AHNAK: variants seen among roughly 807,000 people sequenced by gnomAD.
The protein encoded by AHNAK is neuroblast differentiation-associated protein AHNAK.
AHNAK carries 23 observed loss-of-function variants against 37.8 expected under a neutral mutation model. The ratio of observed to expected loss-of-function variants is 0.61; its 90% confidence interval spans 0.44 to 0.86. The LOEUF (loss-of-function observed/expected upper bound fraction) is 0.86, where lower values mean the gene tolerates loss of function less well. AHNAK is among the 40% of genes least tolerant of loss of function. The pLI, the probability that AHNAK is intolerant of heterozygous loss-of-function variation, is 0.00. For synonymous variants in AHNAK, 2,481 were observed against 2,636.3 expected, an observed-to-expected ratio of 0.94 and a Z score of 1.80; for missense variants, 7,411 against 7,319.4, an observed-to-expected ratio of 1.01 and a Z score of -0.46.
chr11:62,532,002 C>A lies in AHNAK; in HGVS notation c.2415G>T (p.Lys805Asn). Residue 805 changes from lysine to asparagine, a missense_variant, in exon 5 of 5, where the codon AAG becomes AAT. Coordinates refer to ENST00000378024, the MANE Select transcript of AHNAK (RefSeq NM_001620.3). Reference sequence around the variant, plus strand: ...TGATGTTCATCTCAGGCATCTTAAACTTGGGCCCTTTCAATTTCCCTTCTG... The same window carrying A: ...TGATGTTCATCTCAGGCATCTTAAAATTGGGCCCTTTCAATTTCCCTTCTG... ...EEPEGKLKGP[K>N]FKMPEMNIKV... is the part of the protein sequence containing the mutation. The A allele has an allele frequency of 1.2e-6, 2 of 1,613,248 alleles. No homozygotes were observed. The highest frequency in any genetic ancestry group is 1.7e-6 in the Non-Finnish European group (2 of 1,179,862).
chr11:62,497,069 G>C (rs1477919373), intron 4 of AHNAK, among the ~76,000 whole-genome samples: 1 of 152,110 alleles, frequency 6.6e-6, no homozygotes, highest in African/African-American at 2.4e-5. Context: ...TGAGTGATGC[G>C]TGGGCCTTGA....
intron 5 of AHNAK, among the ~76,000 whole-genome samples, chr11:62,460,023 C>A (rs1938749834): frequency 6.6e-6 from 1 of 151,672 alleles, no homozygotes; most frequent in South Asian, 2.1e-4. Context: ...GAGGCTGAGG[C>A]AGGAGAATCG....
In AHNAK at chr11:62,531,215, A is replaced by T. The variant is rs1299549118; in HGVS notation, c.3202T>A (p.Ser1068Thr). ...AGATCCAGGTCAACATCTGGCAAAG[A>T]CATCTTAGGAGCTCTGAAGTGCATC... ...PEMHFRAPKM[S>T]LPDVDLDLKG... Residue 1068 changes from serine (S) to threonine (T), a missense_variant, in exon 5 of 5, where the codon TCT (serine) becomes ACT (threonine). Coordinates refer to ENST00000378024, the MANE Select transcript of AHNAK (RefSeq NM_001620.3). The T allele has an allele frequency of 4.3e-6, 7 of 1,614,070 alleles. No homozygotes were observed. In the South Asian group the frequency reaches 6.6e-5, roughly 15 times the overall value.
At position 62,521,728 on chromosome 11, in the gene AHNAK, T is replaced by G. The variant is rs756506074; in HGVS notation, c.12689A>C (p.Asp4230Ala). ...CGCATCTGGACCTTCGATATTCACA[T>G]CAGGAACATCAATGTCCACCTTGGG... The part of the protein sequence containing the change: ...SGPKVDIDVP[D>A]VNIEGPDAKL... Residue 4230 changes from aspartate to alanine, a missense_variant, in exon 5 of 5, where the codon GAT becomes GCT. Asp to Ala is a moderately radical substitution (Grantham distance 126, BLOSUM62 -2). Coordinates refer to ENST00000378024, the MANE Select transcript of AHNAK (RefSeq NM_001620.3). The G allele has an allele frequency of 1.1e-5, 18 of 1,613,898 alleles. No homozygotes were observed. The highest frequency in any genetic ancestry group is 1.4e-5 in the Non-Finnish European group (17 of 1,179,998).
intron 4 of AHNAK, among the ~76,000 whole-genome samples, chr11:62,502,639 A>G (rs1008674976): frequency 5.9e-5 from 9 of 152,182 alleles, no homozygotes; most frequent in African/African-American, 2.2e-4. Flanking sequence ...ATTGGCCACT[A>G]ATATTTTAAT....
Position 62,530,390 on chromosome 11 carries a change from C to T in AHNAK, c.4027G>A (p.Val1343Met). The T allele has an allele frequency of 6.2e-7, 1 of 1,614,154 alleles. No individual in the cohort carries two copies. Among genetic ancestry groups the T allele is most frequent in the Non-Finnish European group, 8.5e-7 (1 of 1,180,042 alleles). ...KGPKLKGDVD[V>M]SLPEVEGEMK... ...TCACCTTCTACCTCAGGCAAGGACA[C>T]ATCCACATCTCCCTTCAATTTTGGC... The change falls in exon 5 of 5, where the codon GTG (valine) becomes ATG (methionine). Residue 1343 changes from valine (V) to methionine (M), a missense_variant. Physicochemically the swap from Val to Met is conservative, Grantham distance 21. Transcript: ENST00000378024.
chr11:62,527,840 A>G lies in AHNAK; in HGVS notation c.6577T>C (p.Leu2193=), dbSNP rs560936841. Residue 2193 remains leucine (L), a synonymous_variant, in exon 5 of 5, where the codon TTG becomes CTG. Coordinates refer to ENST00000378024, the MANE Select transcript of AHNAK (RefSeq NM_001620.3). The part of the protein sequence containing the change: ...KISMPDVNLN[L]KGPKVKGDMD... ...TCCCCTTTGACTTTGGGGCCTTTCAAGTTTAAGTTCACATCAGGCATGGAG... is the reference window on the plus strand; with the variant it reads ...TCCCCTTTGACTTTGGGGCCTTTCAGGTTTAAGTTCACATCAGGCATGGAG... The G allele has an allele frequency of 2.6e-4, 425 of 1,612,386 alleles. No individual in the cohort carries two copies. Among genetic ancestry groups the G allele is most frequent in the Non-Finnish European group, 3.2e-4 (383 of 1,179,546 alleles).
In AHNAK at chr11:62,523,706, C is replaced by A. The variant is rs2134210633; in HGVS notation, c.10711G>T (p.Asp3571Tyr). 1.2e-6 allele frequency: 2 copies of A among 1,613,648 alleles called. No individual in the cohort carries two copies. The highest frequency in any genetic ancestry group is 4.5e-5 in the East Asian group (2 of 44,824). Reference sequence around the variant, plus strand: ...ATATCAACCTCTGGCCCTTTCAGATCCCCTTCAAGTTTGGGAAGAGAAATA... The same window carrying A: ...ATATCAACCTCTGGCCCTTTCAGATACCCTTCAAGTTTGGGAAGAGAAATA... ...VDISLPKLEG[D>Y]LKGPEVDIKG... Residue 3571 changes from aspartate to tyrosine, a missense_variant, in exon 5 of 5, where the codon GAT becomes TAT. By Grantham distance (160) the Asp-to-Tyr change is radical (BLOSUM62 -3). Transcript: ENST00000378024.
intron 4 of AHNAK, among the ~76,000 whole-genome samples, chr11:62,508,064 C>T (rs1445122667): frequency 1.3e-5 from 2 of 152,172 alleles, no homozygotes; most frequent in Non-Finnish European, 2.9e-5. Context: ...CTGCCTCGGC[C>T]TCCCAAAGCA....
intron 5 of AHNAK, among the ~76,000 whole-genome samples, chr11:62,486,417 G>A (rs1204572206): frequency 2.0e-5 from 3 of 152,040 alleles, no homozygotes; most frequent in African/African-American, 7.2e-5. Context: ...ACGTTGCGGT[G>A]AGCCAAGATT....
chr11:62,540,766 G>C lies in AHNAK; in HGVS notation c.-99-4199C>G, dbSNP rs184724865. On this transcript the variant is annotated intron_variant, in intron 1 of 4. Transcript: ENST00000378024. The stretch of plus-strand genomic sequence containing the variant: ...AGAATGAGATGGCGAGGCCGCTCCA[G>C]CTGCAAAGGTGAGAGCACGTATGCC... Among the ~76,000 whole-genome samples the C allele has an allele frequency of 5.2e-5, 8 of 152,382 alleles. No homozygotes were observed. The South Asian group carries it at 8.3e-4, about 16-fold the overall frequency.
intron 4 of AHNAK, among the ~76,000 whole-genome samples, chr11:62,495,477 A>C (rs1035541053): frequency 6.6e-6 from 1 of 152,160 alleles, no homozygotes; most frequent in Non-Finnish European, 1.5e-5. Flanking sequence ...TCATGCCTAT[A>C]ATCCCAGCAC....
intron 4 of AHNAK, among the ~76,000 whole-genome samples, chr11:62,534,483 C>A (rs1001362602): frequency 6.6e-6 from 1 of 152,122 alleles, no homozygotes; most frequent in Non-Finnish European, 1.5e-5. Context: ...GCCCTTGGAC[C>A]CTGAAAGCAC....
At chr11:62,476,504 A>T (rs1036892564) in intron 5 of AHNAK, among the ~76,000 whole-genome samples, 13 of 152,214 alleles carry the variant, frequency 8.5e-5, no homozygotes, top group African/African-American at 2.9e-4. Flanking sequence ...GACCCTCTTA[A>T]ACCTACACGA....
intron 4 of AHNAK, among the ~76,000 whole-genome samples, chr11:62,492,395 G>C (rs550493142): frequency 6.6e-6 from 1 of 152,288 alleles, no homozygotes; most frequent in East Asian, 1.9e-4. Flanking sequence ...CATCTGTGGG[G>C]AAGGGGAGTG....
At chr11:62,470,832 A>C (rs1200274003) in intron 5 of AHNAK, among the ~76,000 whole-genome samples, 1 of 151,940 alleles carries the variant, frequency 6.6e-6, no homozygotes, top group African/African-American at 2.4e-5. Context: ...CAAAACTTCT[A>C]AACAGCCACA....
In AHNAK at chr11:62,527,984, C is replaced by A. The variant is rs914270016; in HGVS notation, c.6433G>T (p.Asp2145Tyr). The change falls in exon 5 of 5, where the codon GAT (aspartate) becomes TAT (tyrosine). Residue 2145 changes from aspartate (D) to tyrosine (Y), a missense_variant. Physicochemically the swap from Asp to Tyr is radical, Grantham distance 160. Coordinates refer to ENST00000378024, the MANE Select transcript of AHNAK (RefSeq NM_001620.3). ...VDVSLPKLEG[D>Y]LTGPSVDVEV... The stretch of plus-strand genomic sequence containing the variant: ...ACATCCACACTGGGGCCTGTTAAAT[C>A]TCCCTCCAATTTTGGCAAAGACACA... The A allele has an allele frequency of 1.2e-6, 2 of 1,613,686 alleles. No homozygotes were observed. Among genetic ancestry groups the A allele is most frequent in the Middle Eastern group, 1.6e-4 (1 of 6,084 alleles).
At chr11:62,449,426 G>T (rs1258910525) in intron 5 of AHNAK, among the ~76,000 whole-genome samples, 8 of 152,216 alleles carry the variant, frequency 5.3e-5, no homozygotes, top group African/African-American at 1.9e-4. Flanking sequence ...CAACCTCAGA[G>T]AGCCAGCTGT....
At chr11:62,484,322 GC>G (rs1290413237) in intron 5 of AHNAK, among the ~76,000 whole-genome samples, 1 of 152,070 alleles carries the variant, frequency 6.6e-6, no homozygotes, top group African/African-American at 2.4e-5. Flanking sequence ...AGAGTTGGAG[GC>G]TGCAGTGAGC....
Sources: allele counts gnomAD v4.1 joint callset (sites outside exome capture counted in the v4.1 genomes callset), GRCh38; gene constraint gnomAD v4.1.1; transcripts MANE v1.5; gene names NCBI Gene and HGNC (gene_info 2026-07-23, HGNC 2026-07-21).